NWD2: variants seen among roughly 807,000 people sequenced by gnomAD.
NWD2 encodes NACHT and WD repeat domain-containing protein 2.
NWD2 carries 37 observed loss-of-function variants against 132.7 expected under a neutral mutation model. The ratio of observed to expected loss-of-function variants is 0.28; its 90% CI spans 0.21 to 0.37. NWD2 has a LOEUF of 0.37. Ranked by LOEUF, NWD2 falls within the 10% of genes least tolerant of loss-of-function variation. The pLI, the probability that NWD2 is intolerant of heterozygous loss-of-function variation, is 1.00. For synonymous variants in NWD2, 705 were observed against 803.0 expected (o/e 0.88, Z 2.06); for missense variants, 1,592 against 2,122.4 (o/e 0.75, Z 4.91).
chr4:37,244,796 C>A lies in NWD2; in HGVS notation c.-272C>A. On this transcript the variant is annotated 5_prime_UTR_variant, in exon 1 of 7. The change creates a new upstream start codon in the 5' untranslated region. Coordinates refer to ENST00000309447, the MANE Select transcript of NWD2 (RefSeq NM_001144990.2). The surrounding 1 kb of genome is among the most constrained non-coding windows in gnomAD (Gnocchi z 5.5). ...CACGCTGACCTCCCGCTCCAGCTGG[C>A]TGCTGCTCGGAGCCCTAGCAGCGGG... 1 of 405,832 alleles carries A rather than the reference C, an allele frequency of 2.5e-6. No individual in the cohort carries two copies. The allele number at this position is 405,832 out of a possible 1,614,324, so 25.1% of individuals were successfully genotyped here.
chr4:37,267,449 G>A (rs1717778018), intron 1 of NWD2, among the ~76,000 whole-genome samples: 1 of 151,898 alleles, frequency 6.6e-6, no homozygotes, highest in East Asian at 1.9e-4. Flanking sequence ...CAGAGCCCAC[G>A]GTTTTTAAGA....
Position 37,245,062 on chromosome 4 carries a change from A to T in NWD2, c.-6A>T. On this transcript the variant is annotated 5_prime_UTR_variant, in exon 1 of 7. Coordinates refer to ENST00000309447, the MANE Select transcript of NWD2 (RefSeq NM_001144990.2). ...CGGCGGCAGTGGCTGTTCCTCCCAG[A>T]GGGCGATGTGGCCGGCCGGCGCGGG... is the stretch of plus-strand genomic sequence containing the variant. 6.5e-7 allele frequency: 1 copy of T among 1,544,430 alleles called. No homozygotes were observed. The highest frequency in any genetic ancestry group is 8.7e-7 in the Non-Finnish European group (1 of 1,146,288).
intron 3 of NWD2, among the ~76,000 whole-genome samples, chr4:37,422,864 C>A (rs1711864335): frequency 1.3e-5 from 2 of 152,150 alleles, no homozygotes; most frequent in Admixed American, 6.6e-5. Flanking sequence ...TCTTTATCTG[C>A]AGATTAGATT....
chr4:37,315,301 G>C (rs1627442), intron 1 of NWD2, among the ~76,000 whole-genome samples: 5,193 of 152,168 alleles, frequency 0.034, 301 homozygotes, highest in African/African-American at 0.12. Flanking sequence ...CTGCTTGATA[G>C]TGGTGTTCAA....
At chr4:37,355,937 A>G (rs1002363) in intron 2 of NWD2, among the ~76,000 whole-genome samples, 16,731 of 152,094 alleles carry the variant, frequency 0.11, 1,234 homozygotes, top group South Asian at 0.23. Flanking sequence ...GTTTGACTTG[A>G]AATCAGTGTA....
intron 1 of NWD2, among the ~76,000 whole-genome samples, chr4:37,311,988 A>G (rs558744895): frequency 7.4e-4 from 113 of 151,946 alleles, no homozygotes; most frequent in African/African-American, 2.6e-3. Flanking sequence ...ATTGATCTAT[A>G]TCTCTGTTTT....
At chr4:37,307,958 T>C (rs1428732252) in intron 1 of NWD2, among the ~76,000 whole-genome samples, 1 of 152,170 alleles carries the variant, frequency 6.6e-6, no homozygotes, top group Non-Finnish European at 1.5e-5. Context: ...TTGGTCCTTT[T>C]TTGTGATATC....
chr4:37,360,451 T>C (rs1002494496), intron 3 of NWD2, among the ~76,000 whole-genome samples: 1 of 152,210 alleles, frequency 6.6e-6, no homozygotes, highest in African/African-American at 2.4e-5. Flanking sequence ...ATGTAATATT[T>C]GTAAAATGCA....
chr4:37,269,830 G>A (rs1216587708), intron 1 of NWD2, among the ~76,000 whole-genome samples: 4 of 151,790 alleles, frequency 2.6e-5, no homozygotes, highest in Non-Finnish European at 5.9e-5. Context: ...CATTTTTAGA[G>A]AGTCTCTATA....
chr4:37,331,791 A>G (rs979199185), intron 2 of NWD2, among the ~76,000 whole-genome samples: 1 of 152,206 alleles, frequency 6.6e-6, no homozygotes, highest in African/African-American at 2.4e-5. Flanking sequence ...GAGGGTAGGA[A>G]AGACAGTCTT....
chr4:37,396,088 G>A (rs1324262476), intron 3 of NWD2, among the ~76,000 whole-genome samples: 1 of 152,178 alleles, frequency 6.6e-6, no homozygotes. Flanking sequence ...TCAGTATGCT[G>A]GTTGTACAAA....
Position 37,333,677 on chromosome 4 carries a change from A to G in NWD2, c.240+7653A>G, listed in dbSNP as rs1435850960. On this transcript the variant is annotated intron_variant, in intron 2 of 6. Coordinates refer to ENST00000309447, the MANE Select transcript of NWD2 (RefSeq NM_001144990.2). ...CTAACTCTTAAATACCCAGACACCAACAAATATCAAGACCATCCAGGAAAA... is the reference window on the plus strand; with the variant it reads ...CTAACTCTTAAATACCCAGACACCAGCAAATATCAAGACCATCCAGGAAAA... Among the ~76,000 whole-genome samples, 4 of 152,124 alleles carry G rather than the reference A, an allele frequency of 2.6e-5. No individual in the cohort carries two copies. In the East Asian group the frequency reaches 5.8e-4, roughly 22 times the overall value.
Position 37,445,372 on chromosome 4 carries a change from G to T in NWD2, c.3384G>T (p.Gly1128=), listed in dbSNP as rs1325372442. Reference sequence around the variant, plus strand: ...ACACAACCACCATATTTCATTTAGGGAGTGGAGAAAAGTTATGTACAGTGA... The same window carrying T: ...ACACAACCACCATATTTCATTTAGGTAGTGGAGAAAAGTTATGTACAGTGA... ...YLNTTTIFHL[G]SGEKLCTVTS... is the part of the protein sequence containing the mutation. The change falls in exon 7 of 7, where the codon GGG becomes GGT. Residue 1128 remains glycine, a synonymous_variant. Transcript: ENST00000309447. The surrounding 1 kb of genome is among the most constrained non-coding windows in gnomAD (Gnocchi z 4.7). 6.4e-7 allele frequency: 1 copy of T among 1,552,204 alleles called. No homozygotes were observed. Among genetic ancestry groups the T allele is most frequent in the East Asian group, 2.4e-5 (1 of 40,912 alleles).
chr4:37,395,584 C>CAAAAA (rs1156884728), intron 3 of NWD2, among the ~76,000 whole-genome samples: 561 of 18,256 alleles, frequency 0.031, 137 homozygotes, highest in South Asian at 0.035. Flanking sequence ...AACTCTGTCT[C>CAAAAA]AAAAAAAAAA....
chr4:37,361,085 A>G (rs1309543382), intron 3 of NWD2, among the ~76,000 whole-genome samples: 1 of 152,182 alleles, frequency 6.6e-6, no homozygotes, highest in African/African-American at 2.4e-5. Flanking sequence ...TCTAGAGGAA[A>G]TGGAAAAATT....
At chr4:37,256,323 T>G (rs1342225492) in intron 1 of NWD2, among the ~76,000 whole-genome samples, 2 of 152,056 alleles carry the variant, frequency 1.3e-5, no homozygotes, top group Admixed American at 6.6e-5. Context: ...AATAAGAAAA[T>G]TTTTCCCAAG....
At chr4:37,390,850 G>C (rs1031953379) in intron 3 of NWD2, among the ~76,000 whole-genome samples, 4 of 152,098 alleles carry the variant, frequency 2.6e-5, no homozygotes, top group Non-Finnish European at 2.9e-5. Flanking sequence ...TTTCATTTTT[G>C]GAAGACTTTT....
chr4:37,327,331 A>G (rs747115322), intron 2 of NWD2, among the ~76,000 whole-genome samples: 5 of 152,158 alleles, frequency 3.3e-5, no homozygotes, highest in Non-Finnish European at 7.4e-5. Context: ...AAGAGAAAAA[A>G]AGTATACTTT....
chr4:37,356,267 A>T, intron 2 of NWD2, 99 bp from the exon 3 acceptor site: 1 of 593,890 alleles, frequency 1.7e-6, no homozygotes, highest in Non-Finnish European at 2.9e-6. Flanking sequence ...AAGAGAAAAC[A>T]TGCTGCAAAG....
Sources: gnomAD v4.1 joint callset for allele counts (sites outside exome capture counted in the v4.1 genomes callset) on GRCh38, gnomAD v4.1.1 for gene constraint, Gnocchi (gnomAD v3.1) non-coding constraint, MANE v1.5 for transcripts, NCBI Gene and HGNC (gene_info 2026-07-23, HGNC 2026-07-21) for gene names.